DPH6: variants seen among roughly 807,000 people sequenced by gnomAD.
The protein encoded by DPH6 is diphthine--ammonia ligase.
A neutral mutation model predicts 38.2 loss-of-function variants in DPH6; 33 were observed. The observed-to-expected ratio is 0.86, with a 90% CI of 0.65 to 1.15. The LOEUF (loss-of-function observed/expected upper bound fraction) is 1.15, where lower values mean the gene tolerates loss of function less well. Ranked by LOEUF, DPH6 falls within the 50% of genes most tolerant of loss-of-function variation. DPH6 has a pLI of 0.00. For missense variants in DPH6, 325 were observed against 320.0 expected (o/e 1.02, Z -0.12); for synonymous variants, 108 against 103.0 (o/e 1.05, Z -0.30).
intron 5 of DPH6, among the ~76,000 whole-genome samples, chr15:35,420,954 T>A (rs1472260796): frequency 1.3e-5 from 2 of 152,056 alleles, no homozygotes; most frequent in Non-Finnish European, 2.9e-5. Context: ...ATACAAAGGA[T>A]CATAAGACAC....
At position 35,398,928 on chromosome 15, in the gene DPH6, T is replaced by C. The variant is rs61601013; in HGVS notation, c.567+11907A>G. Among the ~76,000 whole-genome samples, 7 of 151,922 alleles carry C rather than the reference T, an allele frequency of 4.6e-5. 1 individual carries two copies. In the South Asian group the frequency reaches 1.2e-3, roughly 27 times the overall value. On this transcript the variant is annotated intron_variant, in intron 6 of 8. Coordinates refer to ENST00000256538, the MANE Select transcript of DPH6 (RefSeq NM_080650.4). Reference sequence around the variant, plus strand: ...CATCTGGTGTCACAAGTGTTGTGTTTAGTGGTGTGCAAGCATAGAGAAAAA... The same window carrying C: ...CATCTGGTGTCACAAGTGTTGTGTTCAGTGGTGTGCAAGCATAGAGAAAAA...
intron 5 of DPH6, among the ~76,000 whole-genome samples, chr15:35,444,940 C>T (rs2053832748): frequency 6.6e-6 from 1 of 152,146 alleles, no homozygotes. Context: ...ACTCATCAAG[C>T]AACAACATGG....
intron 3 of DPH6, among the ~76,000 whole-genome samples, chr15:35,470,447 G>A (rs1030810402): frequency 6.6e-6 from 1 of 152,130 alleles, no homozygotes; most frequent in Non-Finnish European, 1.5e-5. Flanking sequence ...TTAATAAATT[G>A]CTGTTGACGG....
In DPH6 at chr15:35,439,074, G is replaced by T. The variant is rs1385830594; in HGVS notation, c.505+11611C>A. ...TGCTTTTTAGCAAAATTTATAAAGAGTTATAAAAGGTTTATGACGATCTCA... is the reference window on the plus strand; with the variant it reads ...TGCTTTTTAGCAAAATTTATAAAGATTTATAAAAGGTTTATGACGATCTCA... On this transcript the variant is annotated intron_variant, in intron 5 of 8. Transcript: ENST00000256538. 3.9e-5 allele frequency among the ~76,000 whole-genome samples: 6 copies of T among 152,302 alleles called. No homozygotes were observed. In the East Asian group the frequency reaches 1.2e-3, roughly 29 times the overall value.
chr15:35,320,729 A>G (rs1294478535), intron 3 of DPH6, among the ~76,000 whole-genome samples: 1 of 151,744 alleles, frequency 6.6e-6, no homozygotes, highest in Non-Finnish European at 1.5e-5. Flanking sequence ...ACCTTATCCT[A>G]TTTCTTTTAT....
chr15:35,388,911 C>G (rs1313251725), intron 6 of DPH6, among the ~76,000 whole-genome samples: 2 of 152,124 alleles, frequency 1.3e-5, no homozygotes, highest in African/African-American at 4.8e-5. Context: ...TCTTGCTTCT[C>G]TAGTTCTTTT....
At chr15:35,174,178 A>T in the DPH6 span, among the ~76,000 whole-genome samples, 2 of 152,234 alleles carry the variant, frequency 1.3e-5, no homozygotes, top group Non-Finnish European at 2.9e-5. Flanking sequence ...GGGAATGAAT[A>T]AATTGAGAAA....
intron 3 of DPH6, among the ~76,000 whole-genome samples, chr15:35,320,751 A>G (rs988049320): frequency 6.6e-6 from 1 of 152,014 alleles, no homozygotes; most frequent in Non-Finnish European, 1.5e-5. Flanking sequence ...CGTTCCAAAA[A>G]CTCACACTGC....
rs541765795 is a variant in DPH6, at chr15:35,438,363, T to C, written c.505+12322A>G. 4.6e-5 allele frequency among the ~76,000 whole-genome samples: 7 copies of C among 152,314 alleles called. No homozygotes were observed. The South Asian group carries it at 1.5e-3, about 32-fold the overall frequency. ...ACCTCCATGTCCCTGGTTCAAGCGA[T>C]GGCCTGTGATTACTTGGGAAAAACA... On this transcript the variant is annotated intron_variant, in intron 5 of 8. Coordinates refer to ENST00000256538, the MANE Select transcript of DPH6 (RefSeq NM_080650.4).
At chr15:35,204,281 T>C in the DPH6 span, among the ~76,000 whole-genome samples, 1 of 151,770 alleles carries the variant, frequency 6.6e-6, no homozygotes, top group African/African-American at 2.4e-5. Flanking sequence ...TTCAGATAAA[T>C]TTGATTAAAG....
intron 3 of DPH6, chr15:35,237,936 A>G: frequency 7.2e-7 from 1 of 1,397,980 alleles, no homozygotes; most frequent in Non-Finnish European, 1.0e-6. Flanking sequence ...GGAGAGGAGG[A>G]GGAGGATGAA....
At chr15:35,306,303 C>T (rs766597562) in intron 3 of DPH6, among the ~76,000 whole-genome samples, 3 of 152,114 alleles carry the variant, frequency 2.0e-5, no homozygotes, top group Non-Finnish European at 4.4e-5. Context: ...AATACATTTC[C>T]CACCAAGGGA....
chr15:35,157,780 T>C, the DPH6 span, among the ~76,000 whole-genome samples: 1 of 152,078 alleles, frequency 6.6e-6, no homozygotes, highest in Non-Finnish European at 1.5e-5. Flanking sequence ...GTGAACAAAT[T>C]GGACAATGAA....
At chr15:35,289,062 A>T (rs1166193419) in intron 3 of DPH6, among the ~76,000 whole-genome samples, 2 of 152,192 alleles carry the variant, frequency 1.3e-5, no homozygotes, top group African/African-American at 4.8e-5. Flanking sequence ...ATTCATTTCT[A>T]CTTATTTTAA....
chr15:35,277,975 G>A (rs922683388), intron 3 of DPH6, among the ~76,000 whole-genome samples: 1 of 152,182 alleles, frequency 6.6e-6, no homozygotes, highest in African/African-American at 2.4e-5. Flanking sequence ...ATAAAAGTTT[G>A]ACAAATTTGC....
intron 3 of DPH6, among the ~76,000 whole-genome samples, chr15:35,325,082 G>C (rs1304380330): frequency 6.6e-6 from 1 of 152,128 alleles, no homozygotes; most frequent in Admixed American, 6.5e-5. Flanking sequence ...CTCTTTTTTG[G>C]ATTTGAAGGT....
chr15:35,458,837 C>T (rs75354547), intron 3 of DPH6, among the ~76,000 whole-genome samples: 79 of 152,250 alleles, frequency 5.2e-4, no homozygotes, highest in African/African-American at 1.8e-3. Flanking sequence ...ATAATGCAAT[C>T]CTTTTGGATC....
chr15:35,385,931 G>A (rs1429444031), intron 6 of DPH6, among the ~76,000 whole-genome samples: 1 of 151,700 alleles, frequency 6.6e-6, no homozygotes. Flanking sequence ...GTGCCATGTT[G>A]GTGTGCTGCA....
rs113951307 is a variant in DPH6, at chr15:35,270,042, G to A, written n.201-49460C>T. Among the ~76,000 whole-genome samples, 6 of 151,460 alleles carry A rather than the reference G, an allele frequency of 4.0e-5. No individual in the cohort carries two copies. In the East Asian group the frequency reaches 9.8e-4, roughly 25 times the overall value. On this transcript the variant is annotated intron_variant and non_coding_transcript_variant, in intron 3 of 3. Transcript: ENST00000560386. ...CTCCGATCTCCTGACCTCGTGATCC[G>A]CCCGCCTCGGCCTCCCAAAGTGCTG... is the stretch of plus-strand genomic sequence containing the variant.
Sources: allele counts gnomAD v4.1 joint callset (sites outside exome capture counted in the v4.1 genomes callset), GRCh38; gene constraint gnomAD v4.1.1; transcripts MANE v1.5; gene names NCBI Gene and HGNC (gene_info 2026-07-23, HGNC 2026-07-21).